The following ALG6 variants were observed in gnomAD, a reference collection of about 807,000 sequenced individuals.
ALG6 encodes the protein ALG6 alpha-1,3-glucosyltransferase.
ALG6 carries 46 observed loss-of-function variants against 66.6 expected under a neutral mutation model. That is an observed-to-expected ratio of 0.69 (90% confidence interval 0.55 to 0.88). The LOEUF is 0.88. ALG6 is among the 40% of genes least tolerant of loss of function. ALG6 has a pLI of 0.00. For missense variants in ALG6, 505 were observed against 586.8 expected, an observed-to-expected ratio of 0.86 and a Z score of 1.44; for synonymous variants, 185 against 203.7, an observed-to-expected ratio of 0.91 and a Z score of 0.78.
At chr1:63,382,710 C>G (rs1314047793) in intron 2 of ALG6, among the ~76,000 whole-genome samples, 3 of 131,870 alleles carry the variant, frequency 2.3e-5, no homozygotes, top group African/African-American at 8.5e-5. Flanking sequence ...GAGTCTGGCT[C>G]TGTCGCCCAG....
chr1:63,386,954 C>T (rs1648521713), intron 2 of ALG6, among the ~76,000 whole-genome samples: 1 of 152,062 alleles, frequency 6.6e-6, no homozygotes, highest in South Asian at 2.1e-4. Context: ...GTACTACTTT[C>T]ATGTATCCCA....
At chr1:63,398,821 G>A (rs907220856) in intron 3 of ALG6, among the ~76,000 whole-genome samples, 14 of 151,916 alleles carry the variant, frequency 9.2e-5, no homozygotes, top group African/African-American at 1.9e-4. Context: ...TCTTTCCCCC[G>A]TGTTTGTAGT....
At chr1:63,419,777 C>T (rs999124735) in intron 12 of ALG6, among the ~76,000 whole-genome samples, 5 of 152,130 alleles carry the variant, frequency 3.3e-5, no homozygotes, top group African/African-American at 1.2e-4. Flanking sequence ...TCATTCATTT[C>T]CACATCTATT....
chr1:63,420,215 A>G (rs1644566411), intron 12 of ALG6, among the ~76,000 whole-genome samples: 1 of 152,158 alleles, frequency 6.6e-6, no homozygotes, highest in African/African-American at 2.4e-5. Flanking sequence ...TTGGCTCTAA[A>G]TAAAACAGTC....
Position 63,437,786 on chromosome 1 carries a change from GAACCATTCTGTTTAATTA to G in ALG6, c.*770_*787del, listed in dbSNP as rs1644694441. 1.3e-5 allele frequency: 2 copies of G among 150,218 alleles called. No homozygotes were observed. Among genetic ancestry groups the G allele is most frequent in the South Asian group, 4.2e-4 (2 of 4,748 alleles). The allele number at this position is 150,218 out of a possible 1,614,324, so 9.3% of individuals were successfully genotyped here. A position where few individuals can be genotyped will look rare whatever the true frequency, so the allele number is the denominator to read the frequency against. On this transcript the variant is annotated 3_prime_UTR_variant, in exon 15 of 15. Coordinates refer to ENST00000263440, the MANE Select transcript of ALG6 (RefSeq NM_013339.4). ...CATAATCACTGGTTCTAAACTTCCA[GAACCATTCTGTTTAATTA>G]AACATTATATTATATATATATTATT...
At chr1:63,368,502 T>G (rs1156514692) in intron 1 of ALG6, among the ~76,000 whole-genome samples, 1 of 138,936 alleles carries the variant, frequency 7.2e-6, no homozygotes, top group Non-Finnish European at 1.6e-5. Flanking sequence ...CCTTTTACAC[T>G]TTTTTTTTTT....
rs750443322 is a variant in ALG6 at position 63,428,795 on chromosome 1, C to T, written c.1121C>T (p.Thr374Ile). Residue 374 changes from threonine to isoleucine, a missense_variant, in exon 13 of 15, where the codon ACA (threonine) becomes ATA (isoleucine). Thr to Ile is a moderately conservative substitution (Grantham distance 89). Coordinates refer to ENST00000263440, the MANE Select transcript of ALG6 (RefSeq NM_013339.4). ...TCTACTTGGTTTTTACTTGTGTCAA[C>T]ATTTAGGTAAGTCATATCAATTTCC... ...FMSTWFLLVS[T>I]FSMLPLLLKD... 2.4e-5 allele frequency: 38 copies of T among 1,607,342 alleles called. No individual in the cohort carries two copies. The highest frequency in any genetic ancestry group is 4.4e-5 in the South Asian group (4 of 90,424).
intron 12 of ALG6, among the ~76,000 whole-genome samples, chr1:63,426,301 T>C (rs6680001): frequency 0.6 from 90,549 of 151,836 alleles, 28,513 homozygotes; most frequent in African/African-American, 0.79. Flanking sequence ...CTTCCCACCA[T>C]CAGGCCAAGT....
At chr1:63,387,831 C>T (rs1163690823) in intron 2 of ALG6, among the ~76,000 whole-genome samples, 1 of 151,994 alleles carries the variant, frequency 6.6e-6, no homozygotes, top group African/African-American at 2.4e-5. Context: ...TGTGAGCCAC[C>T]GTGCCCAGCT....
At chr1:63,423,252 G>A (rs1644597853) in intron 12 of ALG6, among the ~76,000 whole-genome samples, 1 of 152,124 alleles carries the variant, frequency 6.6e-6, no homozygotes, top group Non-Finnish European at 1.5e-5. Flanking sequence ...TCGAATTCCT[G>A]ACCTCAACTG....
intron 12 of ALG6, among the ~76,000 whole-genome samples, chr1:63,423,886 C>A (rs1046938642): frequency 6.6e-6 from 1 of 152,162 alleles, no homozygotes; most frequent in African/African-American, 2.4e-5. Flanking sequence ...TATTGAGGAA[C>A]CACCAGACTT....
At chr1:63,428,532 G>A in intron 12 of ALG6, 1 of 441,550 alleles carries the variant, frequency 2.3e-6, no homozygotes. Context: ...ATTATGAGGA[G>A]TTGACACCTC....
At position 63,396,377 on chromosome 1, in the gene ALG6, T is replaced by G. The variant is rs1313474474; in HGVS notation, c.83-136T>G. The G allele has an allele frequency of 8.0e-6, 6 of 752,348 alleles. No homozygotes were observed. In the African/African-American group the frequency reaches 1.1e-4, roughly 13 times the overall value. 46.6% of individuals were successfully genotyped at this position (752,348 alleles called of 1,614,324 possible). A position where few individuals can be genotyped will look rare whatever the true frequency, so the allele number is the denominator to read the frequency against. The stretch of plus-strand genomic sequence containing the variant: ...GTGCTAGATTCAGATTTTATCTCTC[T>G]GACTTTCTCGGTAACTCCTGTGTTC... On this transcript the variant is annotated intron_variant, in intron 2 of 14. Coordinates refer to ENST00000263440, the MANE Select transcript of ALG6 (RefSeq NM_013339.4).
chr1:63,419,576 T>C, intron 12 of ALG6, 136 bp downstream of exon 12: 1 of 702,964 alleles, frequency 1.4e-6, no homozygotes, highest in Non-Finnish European at 2.2e-6. Flanking sequence ...CATAGTCAGG[T>C]TTTTTTCCAG....
rs978250080 is a variant in ALG6, at chr1:63,419,226, G to A, written c.988-144G>A. ...TAATTTGATTAAAATATGCATACTAGTGTTGTTTGTATTTTACTTCTAAAT... is the reference window on the plus strand; with the variant it reads ...TAATTTGATTAAAATATGCATACTAATGTTGTTTGTATTTTACTTCTAAAT... On this transcript the variant is annotated intron_variant, in intron 11 of 14. Transcript: ENST00000263440. 10 of 680,570 alleles carry A rather than the reference G, an allele frequency of 1.5e-5. No homozygotes were observed. In the South Asian group the frequency reaches 1.6e-4, roughly 11 times the overall value. The allele number at this position is 680,570 out of a possible 1,614,324, so 42.2% of individuals were successfully genotyped here.
chr1:63,422,896 G>A (rs1035328295), intron 12 of ALG6, among the ~76,000 whole-genome samples: 2 of 151,822 alleles, frequency 1.3e-5, no homozygotes, highest in African/African-American at 4.8e-5. Flanking sequence ...TGGAGGTTGC[G>A]GTGAGCCAAG....
rs1644515857 is a variant in ALG6, at chr1:63,411,466, G to A, written c.680+135G>A. 9.2e-6 allele frequency: 7 copies of A among 760,122 alleles called. No individual in the cohort carries two copies. The East Asian group carries it at 1.9e-4, about 21-fold the overall frequency. The allele number at this position is 760,122 out of a possible 1,614,324, so 47.1% of individuals were successfully genotyped here. A position where few individuals can be genotyped will look rare whatever the true frequency, so the allele number is the denominator to read the frequency against. On this transcript the variant is annotated intron_variant, in intron 8 of 14. Coordinates refer to ENST00000263440, the MANE Select transcript of ALG6 (RefSeq NM_013339.4). ...AAATATTTTGGCTGTAGGGTATGTG[G>A]GAAGAGAGAGATTAAGTCATGTTCT...
Position 63,371,010 on chromosome 1 carries a change from T to A in ALG6, c.33T>A (p.Val11=). The A allele has an allele frequency of 6.2e-7, 1 of 1,611,280 alleles. No individual in the cohort carries two copies. Among genetic ancestry groups the A allele is most frequent in the South Asian group, 1.1e-5 (1 of 91,012 alleles). ...AATGGTACTTGATGACAGTAGTGGT[T>A]TTAATAGGACTAACAGTACGATGGA... The part of the protein sequence containing the change: MEKWYLMTVV[V]LIGLTVRWTV... Residue 11 remains valine (V), a synonymous_variant, in exon 2 of 15, where the codon GTT becomes GTA. Transcript: ENST00000263440.
intron 2 of ALG6, among the ~76,000 whole-genome samples, chr1:63,386,561 A>G (rs954846476): frequency 1.3e-5 from 2 of 151,914 alleles, no homozygotes; most frequent in African/African-American, 4.8e-5. Context: ...CGTGTCTAGG[A>G]ATTTATCAGT....
Sources: gnomAD v4.1 joint callset for allele counts (sites outside exome capture counted in the v4.1 genomes callset) on GRCh38, gnomAD v4.1.1 for gene constraint, MANE v1.5 for transcripts, NCBI Gene and HGNC (gene_info 2026-07-23, HGNC 2026-07-21) for gene names.